The following ARHGAP6 variants were observed in gnomAD, a reference collection of about 807,000 sequenced individuals.
ARHGAP6 encodes the protein Rho GTPase activating protein 6, also known as rho GTPase-activating protein 6.
ARHGAP6 carries 16 observed loss-of-function variants against 55.7 expected under a neutral mutation model. That is an observed-to-expected ratio of 0.29 (90% CI 0.19 to 0.44). The LOEUF (loss-of-function observed/expected upper bound fraction) is 0.44, where lower values mean the gene tolerates loss of function less well. ARHGAP6 is among the 20% of genes least tolerant of loss of function. The pLI is 1.00. For synonymous variants in ARHGAP6, 382 were observed against 360.9 expected (o/e 1.06, Z -0.66); for missense variants, 698 against 808.9 (o/e 0.86, Z 1.66).
chrX:11,599,577 C>T (rs958799047), intron 1 of ARHGAP6, among the ~76,000 whole-genome samples: 1 of 111,688 alleles, frequency 9.0e-6, no homozygotes, highest in African/African-American at 3.3e-5. Flanking sequence ...CTAAAATAGT[C>T]GAACTCACAG....
intron 12 of ARHGAP6, among the ~76,000 whole-genome samples, 181 bp downstream of exon 12, chrX:11,142,052 G>GA (rs1209457097): frequency 8.0e-5 from 9 of 111,820 alleles, no homozygotes; most frequent in Non-Finnish European, 1.7e-4. Context: ...AAAGGAAATG[G>GA]AAAAAAATAT....
intron 1 of ARHGAP6, among the ~76,000 whole-genome samples, chrX:11,511,584 G>A (rs2050785040): frequency 8.9e-6 from 1 of 112,061 alleles, no homozygotes; most frequent in Non-Finnish European, 1.9e-5. Context: ...GAAGGCATGG[G>A]ACTGAAGGTC....
intron 1 of ARHGAP6, among the ~76,000 whole-genome samples, chrX:11,476,944 A>G (rs1226060679): frequency 1.8e-5 from 2 of 111,240 alleles, no homozygotes; most frequent in African/African-American, 6.5e-5. Flanking sequence ...GAAAAACCCA[A>G]CAAGAACAGA....
At chrX:11,420,360 T>G (rs1384091771) in intron 1 of ARHGAP6, among the ~76,000 whole-genome samples, 1 of 111,756 alleles carries the variant, frequency 8.9e-6, no homozygotes, top group East Asian at 2.8e-4. Flanking sequence ...AGAAAGTACA[T>G]TAAAAGATAT....
intron 2 of ARHGAP6, among the ~76,000 whole-genome samples, chrX:11,213,699 G>A (rs1189873429): frequency 1.8e-5 from 2 of 111,991 alleles, no homozygotes; most frequent in Non-Finnish European, 3.8e-5. Flanking sequence ...GGAGCAATGT[G>A]TACACAGGAA....
At position 11,197,010 on chromosome X, in the gene ARHGAP6, AAGG is replaced by A. The variant is rs1464274096; in HGVS notation, c.749-17_749-15del. On this transcript the variant is annotated splice_polypyrimidine_tract_variant and intron_variant, in intron 2 of 12. Transcript: ENST00000337414. Reference sequence around the variant, plus strand: ...TCTTTTGTCCATCTGTAAATATTAAAAGGAGAAGTTATAAAGATAAACATATAA... The same window carrying A: ...TCTTTTGTCCATCTGTAAATATTAAAAGAAGTTATAAAGATAAACATATAA... The A allele has an allele frequency of 2.8e-5, 24 of 849,122 alleles. No individual in the cohort carries two copies. The highest frequency in any genetic ancestry group is 5.9e-5 in the African/African-American group (3 of 51,046). The allele number at this position is 849,122 out of a possible 1,213,427, so 70.0% of individuals were successfully genotyped here.
At chrX:11,385,877 G>T (rs919704121) in intron 1 of ARHGAP6, among the ~76,000 whole-genome samples, 7 of 112,038 alleles carry the variant, frequency 6.2e-5, no homozygotes, top group Non-Finnish European at 1.1e-4. Flanking sequence ...GCTTAAAAAA[G>T]GTGTTTTTAA....
At chrX:11,273,536 A>G (rs2047717193) in intron 1 of ARHGAP6, among the ~76,000 whole-genome samples, 1 of 111,176 alleles carries the variant, frequency 9.0e-6, no homozygotes, top group Non-Finnish European at 1.9e-5. Context: ...TAACTGTTGT[A>G]CCCTAACAAC....
rs781597851 is a variant in ARHGAP6 at position 11,352,721 on chromosome X, C to T, written c.589-98014G>A. Among the ~76,000 whole-genome samples, 3 of 111,208 alleles carry T rather than the reference C, an allele frequency of 2.7e-5. No homozygotes were observed. In the East Asian group the frequency reaches 8.5e-4, roughly 31 times the overall value. ...GTTGTATCTCTCTTACTTAATCATC[C>T]CCAAGGATAAAATATTCCAGTACCC... On this transcript the variant is annotated intron_variant, in intron 1 of 12. Coordinates refer to ENST00000337414, the MANE Select transcript of ARHGAP6 (RefSeq NM_013427.3).
intron 9 of ARHGAP6, among the ~76,000 whole-genome samples, chrX:11,162,005 A>AAAT (rs2045952558): frequency 9.0e-6 from 1 of 111,429 alleles, no homozygotes. Flanking sequence ...ATTAGAAGGT[A>AAAT]AATTTCCTGA....
chrX:11,241,408 A>C (rs1027963304), intron 2 of ARHGAP6, among the ~76,000 whole-genome samples: 2 of 111,074 alleles, frequency 1.8e-5, no homozygotes, highest in African/African-American at 6.5e-5. Flanking sequence ...CTAGTTTCTT[A>C]AGTGGGAACC....
chrX:11,566,981 C>T (rs1031191239), intron 1 of ARHGAP6, among the ~76,000 whole-genome samples: 3 of 111,988 alleles, frequency 2.7e-5, no homozygotes, highest in African/African-American at 6.5e-5. Context: ...TTACTCACAA[C>T]AAACCCAGTA....
At chrX:11,581,994 TC>T (rs1286864214) in intron 1 of ARHGAP6, among the ~76,000 whole-genome samples, 2 of 111,936 alleles carry the variant, frequency 1.8e-5, no homozygotes, top group African/African-American at 3.2e-5. Context: ...AAAAAAAACT[TC>T]CAAATAACAA....
chrX:11,565,429 G>A (rs1366551269), intron 1 of ARHGAP6, among the ~76,000 whole-genome samples: 1 of 112,313 alleles, frequency 8.9e-6, no homozygotes, highest in East Asian at 2.8e-4. Flanking sequence ...GATCCCAGCA[G>A]CTAGAAGTTT....
At chrX:11,506,767 G>T (rs1381657910) in intron 1 of ARHGAP6, among the ~76,000 whole-genome samples, 1 of 111,330 alleles carries the variant, frequency 9.0e-6, no homozygotes, top group Non-Finnish European at 1.9e-5. Context: ...TAATGGGATG[G>T]CTGGGTCAAA....
At chrX:11,250,978 A>G (rs930837345) in intron 2 of ARHGAP6, among the ~76,000 whole-genome samples, 10 of 112,291 alleles carry the variant, frequency 8.9e-5, no homozygotes, top group African/African-American at 3.2e-4. Flanking sequence ...GGATATTTGG[A>G]TTAACTAAGG....
chrX:11,358,472 TCTTTCTTTCTTTC>T (rs1351938653), intron 1 of ARHGAP6, among the ~76,000 whole-genome samples: 19 of 98,168 alleles, frequency 1.9e-4, no homozygotes, highest in South Asian at 9.6e-4. Flanking sequence ...TTTCTTTCTT[TCTTTCTTTCTTTC>T]TTTTTTTTTT....
intron 1 of ARHGAP6, among the ~76,000 whole-genome samples, chrX:11,497,615 G>A (rs2050637403): frequency 1.1e-5 from 1 of 90,488 alleles, no homozygotes; most frequent in Non-Finnish European, 2.1e-5. Flanking sequence ...CAATAAGAAA[G>A]GGTCCATTTG....
intron 1 of ARHGAP6, among the ~76,000 whole-genome samples, chrX:11,390,617 GA>G (rs1181959539): frequency 1.3e-4 from 14 of 111,267 alleles, no homozygotes; most frequent in African/African-American, 4.6e-4. Flanking sequence ...AAATTTACAA[GA>G]AAAAAACAAA....
Sources: allele counts gnomAD v4.1 joint callset (sites outside exome capture counted in the v4.1 genomes callset), GRCh38; gene constraint gnomAD v4.1.1; transcripts MANE v1.5; gene names NCBI Gene and HGNC (gene_info 2026-07-23, HGNC 2026-07-21).